DENND1B: variants seen among roughly 807,000 people sequenced by gnomAD.
DENND1B encodes the protein DENN domain containing 1B.
In DENND1B, 59 loss-of-function variants were observed where a neutral mutation model predicts 90.1. The ratio of observed to expected loss-of-function variants is 0.65; its 90% confidence interval spans 0.53 to 0.81. The LOEUF is 0.81. Ranked by LOEUF, DENND1B falls within the 40% of genes least tolerant of loss-of-function variation. The probability of loss-of-function intolerance (pLI) is 0.00; values close to 1 mark genes in which losing one functional copy is unlikely to be tolerated. For synonymous variants in DENND1B, 337 were observed against 324.6 expected (o/e 1.04, Z -0.41); for missense variants, 862 against 912.6 (o/e 0.94, Z 0.71).
chr1:197,522,688 A>C (rs1668858742), intron 20 of DENND1B, among the ~76,000 whole-genome samples: 1 of 152,138 alleles, frequency 6.6e-6, no homozygotes, highest in African/African-American at 2.4e-5. Flanking sequence ...AACAATGAGA[A>C]AAAGCTGGAT....
intron 16 of DENND1B, chr1:197,552,647 A>G (rs1252194571): frequency 9.9e-7 from 1 of 1,011,100 alleles, no homozygotes; most frequent in Non-Finnish European, 1.2e-6. Flanking sequence ...ACCAATCATA[A>G]CCTCAGTTCT....
intron 20 of DENND1B, among the ~76,000 whole-genome samples, chr1:197,525,047 A>G (rs1339990896): frequency 6.6e-6 from 1 of 152,140 alleles, no homozygotes; most frequent in East Asian, 1.9e-4. Context: ...GCAGCACTCT[A>G]TCAGGGATTC....
At chr1:197,632,412 G>A (rs977350407) in intron 10 of DENND1B, among the ~76,000 whole-genome samples, 2 of 151,906 alleles carry the variant, frequency 1.3e-5, no homozygotes, top group African/African-American at 4.8e-5. Context: ...ATATTTCCTA[G>A]ACATGATACA....
chr1:197,739,725 T>C (rs931194953), intron 2 of DENND1B, among the ~76,000 whole-genome samples: 1 of 152,156 alleles, frequency 6.6e-6, no homozygotes, highest in African/African-American at 2.4e-5. Flanking sequence ...ATCCTGGATA[T>C]ATTAAAATCT....
At chr1:197,564,395 CAAA>C (rs71131780) in intron 15 of DENND1B, among the ~76,000 whole-genome samples, 7 of 63,172 alleles carry the variant, frequency 1.1e-4, no homozygotes, top group African/African-American at 2.6e-4. Context: ...CCTCCACCAG[CAAA>C]AAAAAAAAAA....
At chr1:197,616,185 A>C (rs1677629888) in intron 11 of DENND1B, among the ~76,000 whole-genome samples, 1 of 151,084 alleles carries the variant, frequency 6.6e-6, no homozygotes, top group Non-Finnish European at 1.5e-5. Context: ...ATTATGTAAA[A>C]TCATATATCA....
chr1:197,607,163 G>C lies in DENND1B; in HGVS notation c.831C>G (p.Asn277Lys). Residue 277 changes from asparagine (N) to lysine (K), a missense_variant, in exon 13 of 23, where the codon AAC becomes AAG. By Grantham distance (94) the Asn-to-Lys change is moderately conservative. Coordinates refer to ENST00000620048, the MANE Select transcript of DENND1B (RefSeq NM_001195215.2). ...IHSSLIERVK[N>K]KSLEDVVMLN... Reference sequence around the variant, plus strand: ...ACATAACAACATCTTCCAATGATTTGTTTTTCACTCTCTATAAAAAAAACA... The same window carrying C: ...ACATAACAACATCTTCCAATGATTTCTTTTTCACTCTCTATAAAAAAAACA... 1 of 1,507,404 alleles carries C rather than the reference G, an allele frequency of 6.6e-7. No homozygotes were observed. Among genetic ancestry groups the C allele is most frequent in the Non-Finnish European group, 8.8e-7 (1 of 1,131,746 alleles). 93.4% of individuals were successfully genotyped at this position (1,507,404 alleles called of 1,614,324 possible). A position where few individuals can be genotyped will look rare whatever the true frequency, so the allele number is the denominator to read the frequency against.
chr1:197,628,462 T>C (rs1385125911), intron 10 of DENND1B, among the ~76,000 whole-genome samples: 2 of 152,174 alleles, frequency 1.3e-5, no homozygotes, highest in African/African-American at 4.8e-5. Flanking sequence ...CTGGGAAAAC[T>C]GGCTAGCCAT....
intron 14 of DENND1B, among the ~76,000 whole-genome samples, chr1:197,584,008 A>C (rs1389659644): frequency 6.6e-6 from 1 of 152,206 alleles, no homozygotes; most frequent in Non-Finnish European, 1.5e-5. Flanking sequence ...AACACAAACA[A>C]AGATAAGTGA....
At chr1:197,512,457 ACT>A (rs1003973423) in intron 21 of DENND1B, among the ~76,000 whole-genome samples, 1 of 151,652 alleles carries the variant, frequency 6.6e-6, no homozygotes, top group Admixed American at 6.6e-5. Context: ...AATTTTTAAC[ACT>A]TTTTATTAAA....
intron 5 of DENND1B, among the ~76,000 whole-genome samples, chr1:197,659,641 T>G (rs1274330019): frequency 1.3e-5 from 2 of 151,872 alleles, no homozygotes; most frequent in African/African-American, 2.4e-5. Context: ...ACAATAGCAA[T>G]GCAGGTGGAT....
chr1:197,657,510 A>G (rs546815685), intron 6 of DENND1B, among the ~76,000 whole-genome samples: 1 of 152,352 alleles, frequency 6.6e-6, no homozygotes, highest in East Asian at 1.9e-4. Flanking sequence ...GGAAATGCAA[A>G]TTAAAACCAC....
At chr1:197,643,172 CT>C (rs531784884) in intron 9 of DENND1B, among the ~76,000 whole-genome samples, 63 of 145,860 alleles carry the variant, frequency 4.3e-4, no homozygotes, top group South Asian at 1.1e-3. Flanking sequence ...CAAGAATCTG[CT>C]TTTTTTTTTT....
At chr1:197,780,313 G>A (rs1657394470), upstream of DENND1B, among the ~76,000 whole-genome samples, 1 of 151,198 alleles carries the variant, frequency 6.6e-6, no homozygotes, top group Non-Finnish European at 1.5e-5. Context: ...AGATGAAGAT[G>A]AAAGGTGGCT....
intron 10 of DENND1B, among the ~76,000 whole-genome samples, chr1:197,619,509 A>G (rs1044338735): frequency 1.3e-5 from 2 of 151,236 alleles, no homozygotes; most frequent in Admixed American, 6.6e-5. Flanking sequence ...TAAACAGCTC[A>G]TTTAAAGCCT....
intron 5 of DENND1B, among the ~76,000 whole-genome samples, chr1:197,665,349 G>C (rs931451305): frequency 8.5e-5 from 13 of 152,158 alleles, no homozygotes; most frequent in Admixed American, 7.2e-4. Flanking sequence ...TCCTATAATA[G>C]CATCATCCAG....
intron 2 of DENND1B, among the ~76,000 whole-genome samples, chr1:197,729,171 T>C (rs1661925174): frequency 6.6e-6 from 1 of 152,164 alleles, no homozygotes; most frequent in African/African-American, 2.4e-5. Flanking sequence ...TAACCATCGC[T>C]ACCAAACCAT....
At chr1:197,565,416 A>G (rs1166948392) in intron 15 of DENND1B, among the ~76,000 whole-genome samples, 2 of 151,912 alleles carry the variant, frequency 1.3e-5, no homozygotes, top group East Asian at 1.9e-4. Flanking sequence ...AAAATTGTAG[A>G]TATCATTTTA....
rs563666280 is a variant in DENND1B at position 197,664,004 on chromosome 1, C to CA, written c.297-5636dup. Among the ~76,000 whole-genome samples, 544 of 139,758 alleles carry CA rather than the reference C, an allele frequency of 3.9e-3. 1 individual carries two copies. The highest frequency in any genetic ancestry group is 0.014 in the African/African-American group (524 of 37,226). The allele number at this position is 139,758 out of a possible 152,430, so 91.7% of individuals were successfully genotyped here. On this transcript the variant is annotated intron_variant, in intron 5 of 22. Transcript: ENST00000620048. The stretch of plus-strand genomic sequence containing the variant: ...TTTTAAAAAGAAAACTTTTGAAACA[C>CA]ACACATACACACACACACACACACA...
Sources: gnomAD v4.1 joint callset for allele counts (sites outside exome capture counted in the v4.1 genomes callset) on GRCh38, gnomAD v4.1.1 for gene constraint, MANE v1.5 for transcripts, NCBI Gene and HGNC (gene_info 2026-07-23, HGNC 2026-07-21) for gene names.